IPCEF1: variants seen among roughly 807,000 people sequenced by gnomAD.
IPCEF1 encodes the protein interaction protein for cytohesin exchange factors 1.
Under a neutral mutation model 50.9 loss-of-function variants are expected in IPCEF1, and 31 were observed. The ratio of observed to expected loss-of-function variants is 0.61; its 90% CI spans 0.46 to 0.82. The LOEUF is 0.82. IPCEF1 is among the 40% of genes least tolerant of loss of function. The pLI is 0.00. For missense variants in IPCEF1, 458 were observed against 514.0 expected (o/e 0.89, Z 1.05); for synonymous variants, 181 against 192.0 (o/e 0.94, Z 0.47).
At chr6:154,204,704 C>T (rs959717532) in intron 9 of IPCEF1, among the ~76,000 whole-genome samples, 3 of 152,170 alleles carry the variant, frequency 2.0e-5, no homozygotes, top group African/African-American at 4.8e-5. Flanking sequence ...TAGTGGCTTC[C>T]TGCCTTATCA....
chr6:154,173,468 A>C (rs1253053564), intron 10 of IPCEF1, among the ~76,000 whole-genome samples: 1 of 152,190 alleles, frequency 6.6e-6, no homozygotes, highest in Non-Finnish European at 1.5e-5. Context: ...AGTGTAGAGA[A>C]GAGTTTAAAT....
intron 7 of IPCEF1, among the ~76,000 whole-genome samples, chr6:154,218,113 A>G (rs1778558549): frequency 6.6e-6 from 1 of 152,224 alleles, no homozygotes; most frequent in Non-Finnish European, 1.5e-5. Context: ...TGGCAGCAGG[A>G]AAACATCTAT....
At chr6:154,290,346 G>C (rs1238953197) in intron 1 of IPCEF1, among the ~76,000 whole-genome samples, 1 of 152,186 alleles carries the variant, frequency 6.6e-6, no homozygotes, top group Non-Finnish European at 1.5e-5. Context: ...GGAAGAATCA[G>C]GGTAGGAGAG....
Position 154,168,118 on chromosome 6 carries a change from T to A in IPCEF1, c.911-5A>T. 6.6e-7 allele frequency: 1 copy of A among 1,524,502 alleles called. No individual in the cohort carries two copies. The highest frequency in any genetic ancestry group is 8.9e-7 in the Non-Finnish European group (1 of 1,128,998). 94.4% of individuals were successfully genotyped at this position (1,524,502 alleles called of 1,614,324 possible). A position where few individuals can be genotyped will look rare whatever the true frequency, so the allele number is the denominator to read the frequency against. The stretch of plus-strand genomic sequence containing the variant: ...CTTCAGACACTTTTGTCTCTTCTAT[T>A]TGAAAAAAAAAAAGAAAGCAGTAAC... On this transcript the variant is annotated splice_region_variant and splice_polypyrimidine_tract_variant and intron_variant, in intron 10 of 11. Transcript: ENST00000367220. The surrounding 1 kb of genome is among the most constrained non-coding windows in gnomAD (Gnocchi z 4.1).
chr6:154,350,314 C>T (rs888749613), intron 1 of IPCEF1, among the ~76,000 whole-genome samples: 1 of 152,202 alleles, frequency 6.6e-6, no homozygotes, highest in East Asian at 1.9e-4. Flanking sequence ...CGCTGATGTT[C>T]CATATCTAAC....
At chr6:154,221,730 C>T (rs910459118) in intron 6 of IPCEF1, among the ~76,000 whole-genome samples, 21 of 151,950 alleles carry the variant, frequency 1.4e-4, no homozygotes, top group Non-Finnish European at 2.2e-4. Flanking sequence ...AAAAATTAGC[C>T]GGGCATGGTG....
Position 154,246,730 on chromosome 6 carries a change from G to C in IPCEF1, c.107C>G (p.Ser36Trp). ...GFLTMSRRRI[S>W]CKDLGHADCQ... is the part of the protein sequence containing the mutation. ...GTCAGCATGGCCCAGATCTTTACACGATATCCTCCTCCGACTCATCGTGAG... is the reference window on the plus strand; with the variant it reads ...GTCAGCATGGCCCAGATCTTTACACCATATCCTCCTCCGACTCATCGTGAG... The change falls in exon 5 of 12, where the codon TCG (serine) becomes TGG (tryptophan). Residue 36 changes from serine to tryptophan, a missense_variant. By Grantham distance (177) the Ser-to-Trp change is radical. Transcript: ENST00000367220. 1 of 1,613,806 alleles carries C rather than the reference G, an allele frequency of 6.2e-7. No individual in the cohort carries two copies. The highest frequency in any genetic ancestry group is 1.7e-5 in the Admixed American group (1 of 59,986).
chr6:154,211,339 G>T (rs1359763023), intron 9 of IPCEF1, among the ~76,000 whole-genome samples: 2 of 151,936 alleles, frequency 1.3e-5, no homozygotes, highest in African/African-American at 4.8e-5. Flanking sequence ...AACCTGGGAG[G>T]CAGAGCTTGC....
intron 1 of IPCEF1, among the ~76,000 whole-genome samples, chr6:154,350,817 C>T (rs1220262972): frequency 6.6e-6 from 1 of 152,178 alleles, no homozygotes; most frequent in Non-Finnish European, 1.5e-5. Flanking sequence ...AACTCCTATG[C>T]TCAAGAGATC....
intron 1 of IPCEF1, among the ~76,000 whole-genome samples, chr6:154,335,436 T>G (rs1339456844): frequency 1.3e-5 from 2 of 152,216 alleles, no homozygotes; most frequent in Non-Finnish European, 2.9e-5. Context: ...CTTTTGTGAG[T>G]TGATTTTCCA....
At chr6:154,321,606 C>T (rs752539138) in intron 1 of IPCEF1, among the ~76,000 whole-genome samples, 1 of 151,586 alleles carries the variant, frequency 6.6e-6, no homozygotes, top group Non-Finnish European at 1.5e-5. Flanking sequence ...GGTGAAACCC[C>T]ATCTTTACTA....
intron 10 of IPCEF1, among the ~76,000 whole-genome samples, chr6:154,189,597 T>C (rs1377167143): frequency 2.0e-5 from 3 of 152,290 alleles, no homozygotes; most frequent in East Asian, 3.9e-4. Context: ...AAATAAATAA[T>C]AAATGCTTAA....
At chr6:154,288,430 G>A (rs935974525) in intron 2 of IPCEF1, among the ~76,000 whole-genome samples, 3 of 152,100 alleles carry the variant, frequency 2.0e-5, no homozygotes, top group East Asian at 1.9e-4. Context: ...TTGGGAGGCC[G>A]AGGCGGGCAG....
chr6:154,212,726 C>T, intron 9 of IPCEF1, 44 bp downstream of exon 9: 2 of 1,281,890 alleles, frequency 1.6e-6, no homozygotes, highest in Non-Finnish European at 2.3e-6. Context: ...ATGACATCCA[C>T]ATGTCTGATC....
intron 2 of IPCEF1, among the ~76,000 whole-genome samples, chr6:154,269,667 A>G (rs890445879): frequency 2.6e-5 from 4 of 152,204 alleles, no homozygotes; most frequent in Admixed American, 6.5e-5. Context: ...GTTGAAACAT[A>G]TGAAATCTAA....
intron 1 of IPCEF1, among the ~76,000 whole-genome samples, chr6:154,296,828 CAA>C (rs200689361): frequency 7.9e-4 from 59 of 74,864 alleles, no homozygotes; most frequent in African/African-American, 2.4e-3. Flanking sequence ...GACTCCGTCT[CAA>C]AAAAAAAAAA....
intron 5 of IPCEF1, among the ~76,000 whole-genome samples, chr6:154,239,033 G>A (rs925378958): frequency 1.3e-5 from 2 of 152,016 alleles, no homozygotes; most frequent in Non-Finnish European, 2.9e-5. Flanking sequence ...TCACTGCTGT[G>A]AGCTAAGAAG....
chr6:154,271,202 A>AT (rs34792202), intron 2 of IPCEF1, among the ~76,000 whole-genome samples: 32,937 of 151,340 alleles, frequency 0.22, 4,284 homozygotes, highest in Admixed American at 0.43. Context: ...CTACAAAAAA[A>AT]AAATAAATAA....
chr6:154,205,224 ACTCAAGATG>A (rs1485331947), intron 9 of IPCEF1, among the ~76,000 whole-genome samples: 1 of 151,984 alleles, frequency 6.6e-6, no homozygotes, highest in Admixed American at 6.6e-5. Flanking sequence ...TCAACACAGA[ACTCAAGATG>A]CTCAAGGGAG....
Sources: gnomAD v4.1 joint callset for allele counts (sites outside exome capture counted in the v4.1 genomes callset) on GRCh38, gnomAD v4.1.1 for gene constraint, Gnocchi (gnomAD v3.1) non-coding constraint, MANE v1.5 for transcripts, NCBI Gene and HGNC (gene_info 2026-07-23, HGNC 2026-07-21) for gene names.